ANKRD30BL: variants seen among roughly 807,000 people sequenced by gnomAD.
ANKRD30BL encodes the protein putative ankyrin repeat domain-containing protein 30B-like.
A neutral mutation model predicts 18.4 loss-of-function variants in ANKRD30BL; 20 were observed. The observed-to-expected ratio is 1.09, with a 90% confidence interval of 0.77 to 1.58. The LOEUF (loss-of-function observed/expected upper bound fraction) is 1.58. Ranked by LOEUF, ANKRD30BL falls within the 40% of genes most tolerant of loss-of-function variation. The pLI is 0.00. For synonymous variants in ANKRD30BL, 72 were observed against 100.9 expected, an observed-to-expected ratio of 0.71 and a Z score of 1.72; for missense variants, 224 against 268.6, an observed-to-expected ratio of 0.83 and a Z score of 1.16.
At chr2:132,191,094 T>C (rs910903932) in intron 1 of ANKRD30BL, among the ~76,000 whole-genome samples, 3 of 152,200 alleles carry the variant, frequency 2.0e-5, no homozygotes, top group African/African-American at 7.2e-5. Flanking sequence ...TCTTTTGTAC[T>C]CCTTACAAAA....
chr2:132,218,082 G>C, intron 1 of ANKRD30BL, among the ~76,000 whole-genome samples: 1 of 149,350 alleles, frequency 6.7e-6, no homozygotes. Context: ...TGGATATTTG[G>C]ACCAGTTTGA....
At position 132,220,320 on chromosome 2, in the gene ANKRD30BL, C is replaced by G. The variant is rs137964646; in HGVS notation, n.441+37209G>C. Among the ~76,000 whole-genome samples, 955 of 109,434 alleles carry G rather than the reference C, an allele frequency of 8.7e-3. 79 individuals are homozygous for G. The highest frequency in any genetic ancestry group is 0.04 in the African/African-American group (888 of 22,476). 71.8% of individuals were successfully genotyped at this position (109,434 alleles called of 152,430 possible). A position where few individuals can be genotyped will look rare whatever the true frequency, so the allele number is the denominator to read the frequency against. On this transcript the variant is annotated intron_variant and non_coding_transcript_variant, in intron 1 of 4. Transcript: ENST00000470729. ...TCTCCCTGTCCCTCTCCCTCTCCCT[C>G]TCCCTGTCCCTCTCCCTCTCCCTCT...
intron 1 of ANKRD30BL, among the ~76,000 whole-genome samples, chr2:132,194,623 C>T (rs1385927660): frequency 6.6e-6 from 1 of 152,172 alleles, no homozygotes; most frequent in Non-Finnish European, 1.5e-5. Flanking sequence ...TCTCTCTTTC[C>T]CTCTACAGGT....
At chr2:132,237,226 G>A (rs930555070) in intron 1 of ANKRD30BL, among the ~76,000 whole-genome samples, 2 of 152,038 alleles carry the variant, frequency 1.3e-5, no homozygotes, top group South Asian at 2.1e-4. Flanking sequence ...GTATACATAT[G>A]TAACTAACCT....
At chr2:132,247,961 G>C (rs1453698983) in intron 1 of ANKRD30BL, among the ~76,000 whole-genome samples, 2 of 151,672 alleles carry the variant, frequency 1.3e-5, no homozygotes, top group African/African-American at 4.8e-5. Flanking sequence ...TCAAAGGGCT[G>C]ACAAATATCC....
intron 1 of ANKRD30BL, among the ~76,000 whole-genome samples, chr2:132,193,262 T>G (rs1678896556): frequency 6.6e-6 from 1 of 152,210 alleles, no homozygotes; most frequent in African/African-American, 2.4e-5. Context: ...GACTTTTATG[T>G]ATCAAGGTTT....
chr2:132,163,300 A>G (rs1273297903), upstream of ANKRD30BL, among the ~76,000 whole-genome samples: 1 of 151,946 alleles, frequency 6.6e-6, no homozygotes, highest in Non-Finnish European at 1.5e-5. Context: ...AAATAAAACC[A>G]ATCAGCCAGG....
chr2:132,193,111 A>T (rs1573829121), intron 1 of ANKRD30BL, among the ~76,000 whole-genome samples: 1 of 152,230 alleles, frequency 6.6e-6, no homozygotes, highest in Non-Finnish European at 1.5e-5. Flanking sequence ...GGCACTCAAT[A>T]ACCAATCAGA....
intron 1 of ANKRD30BL, among the ~76,000 whole-genome samples, chr2:132,200,644 G>A (rs868070984): frequency 3.3e-5 from 5 of 151,888 alleles, no homozygotes; most frequent in East Asian, 1.9e-4. Flanking sequence ...GAAATAAAAG[G>A]GGATACAAAC....
chr2:132,240,294 G>A (rs1680279785), intron 1 of ANKRD30BL, among the ~76,000 whole-genome samples: 1 of 151,320 alleles, frequency 6.6e-6, no homozygotes, highest in Non-Finnish European at 1.5e-5. Flanking sequence ...GGACAGCATT[G>A]AGGATTTCGT....
chr2:132,234,365 A>C (rs1680096672), intron 1 of ANKRD30BL, among the ~76,000 whole-genome samples: 1 of 152,090 alleles, frequency 6.6e-6, no homozygotes, highest in Non-Finnish European at 1.5e-5. Flanking sequence ...ATAGAGACAC[A>C]AAAAACCCTT....
At chr2:132,206,030 C>T (rs567339379) in intron 1 of ANKRD30BL, among the ~76,000 whole-genome samples, 31 of 151,792 alleles carry the variant, frequency 2.0e-4, no homozygotes, top group Non-Finnish European at 3.7e-4. Flanking sequence ...TGGTGTTGGG[C>T]GCCTGTAATC....
intron 1 of ANKRD30BL, among the ~76,000 whole-genome samples, chr2:132,252,466 C>A (rs1680677498): frequency 6.6e-6 from 1 of 151,888 alleles, no homozygotes; most frequent in Non-Finnish European, 1.5e-5. Flanking sequence ...GGGACCATGG[C>A]CATGAGCACT....
intron 1 of ANKRD30BL, among the ~76,000 whole-genome samples, chr2:132,247,891 G>A (rs546824036): frequency 5.9e-4 from 90 of 152,170 alleles, no homozygotes; most frequent in African/African-American, 2.0e-3. Context: ...TCAGAAAGAA[G>A]TTTCTCAGAA....
chr2:132,217,791 G>C (rs1368209289), intron 1 of ANKRD30BL, among the ~76,000 whole-genome samples: 3 of 152,270 alleles, frequency 2.0e-5, no homozygotes, highest in Non-Finnish European at 4.4e-5. Flanking sequence ...ATAAACTCTA[G>C]ACAGAAGCAT....
chr2:132,236,110 T>C (rs1178755558), intron 1 of ANKRD30BL, among the ~76,000 whole-genome samples: 1 of 152,048 alleles, frequency 6.6e-6, no homozygotes, highest in Non-Finnish European at 1.5e-5. Context: ...ATTTAATAAA[T>C]GGTGCTGGGA....
At chr2:132,148,744 A>T (rs1687681185) in intron 5 of ANKRD30BL, among the ~76,000 whole-genome samples, 1 of 152,198 alleles carries the variant, frequency 6.6e-6, no homozygotes, top group Non-Finnish European at 1.5e-5. Flanking sequence ...TATGGTAATG[A>T]CATAATAAGT....
At chr2:132,240,084 C>A (rs1286378888) in intron 1 of ANKRD30BL, among the ~76,000 whole-genome samples, 1 of 151,540 alleles carries the variant, frequency 6.6e-6, no homozygotes, top group East Asian at 1.9e-4. Flanking sequence ...ATGAAACACT[C>A]TTTTAGTAGA....
intron 1 of ANKRD30BL, among the ~76,000 whole-genome samples, chr2:132,194,599 C>G (rs1573830140): frequency 1.3e-5 from 2 of 152,204 alleles, no homozygotes; most frequent in Non-Finnish European, 1.5e-5. Flanking sequence ...CTTTCTACCC[C>G]AATCAGCCTT....
Sources: gnomAD v4.1 joint callset for allele counts (sites outside exome capture counted in the v4.1 genomes callset) on GRCh38, gnomAD v4.1.1 for gene constraint, MANE v1.5 for transcripts, NCBI Gene and HGNC (gene_info 2026-07-23, HGNC 2026-07-21) for gene names.